CCR5AS: variants seen among roughly 807,000 people sequenced by gnomAD.
CCR5AS encodes CCR5 antisense RNA.
intron 3 of CCR5AS, among the ~76,000 whole-genome samples, chr3:46,367,865 C>A (rs995638064): frequency 2.8e-4 from 42 of 152,262 alleles, no homozygotes; most frequent in Non-Finnish European, 1.6e-4. Flanking sequence ...AGCCACCGCA[C>A]TTGGCCTAGA....
chr3:46,395,719 C>T (rs1701955891), intron 1 of CCR5AS, among the ~76,000 whole-genome samples: 1 of 152,186 alleles, frequency 6.6e-6, no homozygotes, highest in Non-Finnish European at 1.5e-5. Context: ...AAGCCCTGGG[C>T]TCTCCTGAGA....
At chr3:46,366,499 A>T (rs1156982430) in intron 3 of CCR5AS, among the ~76,000 whole-genome samples, 1 of 152,206 alleles carries the variant, frequency 6.6e-6, no homozygotes, top group Non-Finnish European at 1.5e-5. Flanking sequence ...TTCTCAGCTG[A>T]GCTAAGGGGC....
At chr3:46,366,766 G>T (rs976094289) in intron 3 of CCR5AS, among the ~76,000 whole-genome samples, 5 of 152,214 alleles carry the variant, frequency 3.3e-5, no homozygotes, top group Non-Finnish European at 7.3e-5. Flanking sequence ...TAAGACTCAA[G>T]TGTCATTGTT....
At chr3:46,389,155 A>G (rs1171129468) in intron 2 of CCR5AS, among the ~76,000 whole-genome samples, 2 of 152,188 alleles carry the variant, frequency 1.3e-5, no homozygotes, top group Non-Finnish European at 2.9e-5. Context: ...AATAGACTTA[A>G]TAGAATGAAG....
chr3:46,384,289 G>A (rs936690564), intron 2 of CCR5AS, among the ~76,000 whole-genome samples: 3 of 152,188 alleles, frequency 2.0e-5, no homozygotes, highest in African/African-American at 7.2e-5. Context: ...TTACGCAGAC[G>A]GGGTCTATAC....
intron 2 of CCR5AS, among the ~76,000 whole-genome samples, chr3:46,389,292 A>C (rs552546345): frequency 1.0e-3 from 157 of 152,312 alleles, no homozygotes; most frequent in Non-Finnish European, 2.0e-3. Flanking sequence ...TCTGATGGGC[A>C]CAGCTTTATT....
intron 3 of CCR5AS, among the ~76,000 whole-genome samples, chr3:46,366,972 G>C (rs189643518): frequency 5.8e-4 from 89 of 152,252 alleles, no homozygotes; most frequent in African/African-American, 2.1e-3. Context: ...CAACCGAGAA[G>C]AGCCCGACTG....
intron 2 of CCR5AS, among the ~76,000 whole-genome samples, chr3:46,381,362 G>A (rs1701815098): frequency 6.6e-6 from 1 of 152,156 alleles, no homozygotes; most frequent in Non-Finnish European, 1.5e-5. Flanking sequence ...GGGAACTCAT[G>A]CCAGCCCTGA....
intron 2 of CCR5AS, among the ~76,000 whole-genome samples, chr3:46,392,032 C>A (rs113319161): frequency 0.057 from 8,645 of 152,170 alleles, 813 homozygotes; most frequent in African/African-American, 0.2. Flanking sequence ...CATTTTACGA[C>A]AAAAATTATC....
At chr3:46,390,449 C>G (rs945326931) in intron 2 of CCR5AS, among the ~76,000 whole-genome samples, 1 of 152,006 alleles carries the variant, frequency 6.6e-6, no homozygotes, top group Non-Finnish European at 1.5e-5. Flanking sequence ...CTTTAAGAGG[C>G]CATGTTGAAA....
chr3:46,378,229 G>C (rs1390522879), intron 2 of CCR5AS, among the ~76,000 whole-genome samples: 1 of 151,966 alleles, frequency 6.6e-6, no homozygotes, highest in East Asian at 1.9e-4. Flanking sequence ...TAATATTTAA[G>C]ATTCTGTATA....
At chr3:46,373,848 A>G (rs1168017663) in intron 2 of CCR5AS, 1 of 1,614,060 alleles carries the variant, frequency 6.2e-7, no homozygotes, top group African/African-American at 1.3e-5. Context: ...CCAAAAGCAC[A>G]TTGCCAAACG....
chr3:46,398,420 C>A (rs924191719), intron 1 of CCR5AS, among the ~76,000 whole-genome samples: 1 of 152,178 alleles, frequency 6.6e-6, no homozygotes, highest in African/African-American at 2.4e-5. Flanking sequence ...GCTAATAAAC[C>A]TCTGTATACC....
chr3:46,372,892 G>T (rs1035696834), intron 2 of CCR5AS: 1 of 1,559,622 alleles, frequency 6.4e-7, no homozygotes, highest in South Asian at 1.2e-5. Flanking sequence ...TTATGCACAG[G>T]GTGGAACAAG....
At chr3:46,378,403 C>T (rs533142525) in intron 2 of CCR5AS, among the ~76,000 whole-genome samples, 7 of 151,708 alleles carry the variant, frequency 4.6e-5, no homozygotes, top group African/African-American at 1.2e-4. Flanking sequence ...TTTGATAATC[C>T]GTTTTGTGTC....
intron 2 of CCR5AS, among the ~76,000 whole-genome samples, chr3:46,372,311 G>C (rs531725192): frequency 6.6e-6 from 1 of 152,092 alleles, no homozygotes; most frequent in African/African-American, 2.4e-5. Flanking sequence ...CAGGAGGATC[G>C]CTTGAGCCCA....
At chr3:46,372,801 A>G (rs1019560527) in intron 2 of CCR5AS, 6 of 872,162 alleles carry the variant, frequency 6.9e-6, no homozygotes, top group Middle Eastern at 3.3e-4. Context: ...GCAATTAAAA[A>G]CCTATTGATG....
rs6788884 is a variant in CCR5AS at position 46,394,337 on chromosome 3, T to C, written n.164-1285A>G. On this transcript the variant is annotated intron_variant and non_coding_transcript_variant, in intron 1 of 3. Transcript: ENST00000451485. Reference sequence around the variant, plus strand: ...CCTCATCAAGGAGGGCTCTGGGGCATGTCAGGGGCTGCTACAGGCTCCTGG... The same window carrying C: ...CCTCATCAAGGAGGGCTCTGGGGCACGTCAGGGGCTGCTACAGGCTCCTGG... 6.5e-3 allele frequency among the ~76,000 whole-genome samples: 997 copies of C among 152,230 alleles called. 12 individuals are homozygous for C. The highest frequency in any genetic ancestry group is 0.023 in the African/African-American group (954 of 41,522).
In CCR5AS at chr3:46,373,561, C is replaced by T. The variant is rs151126808; in HGVS notation, n.392-2144G>A. 3.1e-6 allele frequency: 5 copies of T among 1,613,666 alleles called. No individual in the cohort carries two copies. The African/African-American group carries it at 5.3e-5, about 17-fold the overall frequency. On this transcript the variant is annotated intron_variant and non_coding_transcript_variant, in intron 2 of 3. Coordinates refer to ENST00000451485, the Ensembl canonical transcript of CCR5AS. ...ATCTGCTACTCGGGAATCCTAAAAA[C>T]TCTGCTTCGGTGTCGAAATGAGAAG...
Sources: allele counts gnomAD v4.1 joint callset (sites outside exome capture counted in the v4.1 genomes callset), GRCh38; gene constraint gnomAD v4.1.1; transcripts MANE v1.5; gene names NCBI Gene and HGNC (gene_info 2026-07-23, HGNC 2026-07-21).